The following MAP2K1 variants were observed in gnomAD, a reference collection of about 807,000 sequenced individuals.
The protein encoded by MAP2K1 is mitogen-activated protein kinase kinase 1, also known as dual specificity mitogen-activated protein kinase kinase 1.
MAP2K1 carries 16 observed loss-of-function variants against 46.3 expected under a neutral mutation model. The ratio of observed to expected loss-of-function variants is 0.35; its 90% CI spans 0.23 to 0.52. The LOEUF (loss-of-function observed/expected upper bound fraction) is 0.52. Ranked by LOEUF, MAP2K1 falls within the 20% of genes least tolerant of loss-of-function variation. The probability of loss-of-function intolerance (pLI) is 0.94; values close to 1 mark genes in which losing one functional copy is unlikely to be tolerated. For missense variants in MAP2K1, 263 were observed against 497.1 expected, an observed-to-expected ratio of 0.53 and a Z score of 4.48; for synonymous variants, 183 against 185.6, an observed-to-expected ratio of 0.99 and a Z score of 0.11.
chr15:66,466,142 G>C (rs1464893577), intron 5 of MAP2K1, among the ~76,000 whole-genome samples: 3 of 152,120 alleles, frequency 2.0e-5, no homozygotes, highest in Non-Finnish European at 4.4e-5. Flanking sequence ...GCTTTTATTG[G>C]CTTTATAAAT....
At position 66,453,647 on chromosome 15, in the gene MAP2K1, C is replaced by G. The variant is rs1158967774; in HGVS notation, c.568+8940C>G. 9.1e-6 allele frequency: 6 copies of G among 661,152 alleles called. No individual in the cohort carries two copies. The East Asian group carries it at 1.1e-4, about 12-fold the overall frequency. The allele number at this position is 661,152 out of a possible 1,614,324, so 41.0% of individuals were successfully genotyped here. A position where few individuals can be genotyped will look rare whatever the true frequency, so the allele number is the denominator to read the frequency against. On this transcript the variant is annotated intron_variant, in intron 5 of 10. Coordinates refer to ENST00000307102, the MANE Select transcript of MAP2K1 (RefSeq NM_002755.4). The stretch of plus-strand genomic sequence containing the variant: ...CCTCATGGCCAGTTCTACCTCTGTT[C>G]TAAATATATTCTTCACTGATGAAAT...
chr15:66,388,358 G>A (rs1423276704), intron 1 of MAP2K1, among the ~76,000 whole-genome samples: 8 of 152,130 alleles, frequency 5.3e-5, no homozygotes. Flanking sequence ...AAAAGATTAG[G>A]TTATTATTAT....
chr15:66,466,757 A>G (rs891444137), intron 5 of MAP2K1, among the ~76,000 whole-genome samples: 1 of 152,194 alleles, frequency 6.6e-6, no homozygotes, highest in African/African-American at 2.4e-5. Context: ...CAACACAAAG[A>G]ATCAGCAGCA....
At position 66,454,514 on chromosome 15, in the gene MAP2K1, T is replaced by C. The variant is rs985676189; in HGVS notation, c.568+9807T>C. ...TAATACATTTTACCTGTTGCTTAGA[T>C]AAATTGGTAGAGGTTTTTATGATTA... is the stretch of plus-strand genomic sequence containing the variant. On this transcript the variant is annotated intron_variant, in intron 5 of 10. Transcript: ENST00000307102. Among the ~76,000 whole-genome samples, 9 of 152,204 alleles carry C rather than the reference T, an allele frequency of 5.9e-5. No homozygotes were observed. In the East Asian group the frequency reaches 1.3e-3, roughly 23 times the overall value.
chr15:66,407,922 A>G lies in MAP2K1; in HGVS notation c.80+20495A>G, dbSNP rs532460052. On this transcript the variant is annotated intron_variant, in intron 1 of 10. Transcript: ENST00000307102. ...ATGTCACACAGTATGTTCTATTTGG[A>G]ATTTTGTGACTTTTGAGTAACATAA... 5.8e-4 allele frequency among the ~76,000 whole-genome samples: 89 copies of G among 152,328 alleles called. 1 individual carries two copies. Among genetic ancestry groups the G allele is most frequent in the Admixed American group, 1.0e-3 (16 of 15,306 alleles).
chr15:66,411,096 C>CT lies in MAP2K1; in HGVS notation c.80+23680dup, dbSNP rs922343795. On this transcript the variant is annotated intron_variant, in intron 1 of 10. Coordinates refer to ENST00000307102, the MANE Select transcript of MAP2K1 (RefSeq NM_002755.4). ...TTCTTGATAACTGTTCTTGAGGTTT[C>CT]TTTTTTTTTTTGGTCCTTTTTGACT... is the stretch of plus-strand genomic sequence containing the variant. 8.5e-3 allele frequency among the ~76,000 whole-genome samples: 1,220 copies of CT among 143,418 alleles called. 10 individuals carry two copies. Among genetic ancestry groups the CT allele is most frequent in the African/African-American group, 0.025 (964 of 39,346 alleles). The allele number at this position is 143,418 out of a possible 152,430, so 94.1% of individuals were successfully genotyped here.
intron 5 of MAP2K1, among the ~76,000 whole-genome samples, chr15:66,457,323 T>C (rs763498656): frequency 1.3e-5 from 2 of 152,160 alleles, no homozygotes; most frequent in Non-Finnish European, 2.9e-5. Context: ...TTTCCCTATG[T>C]TGCCCAGCCT....
chr15:66,438,665 C>T (rs1385202999), intron 3 of MAP2K1, among the ~76,000 whole-genome samples: 2 of 152,164 alleles, frequency 1.3e-5, no homozygotes, highest in Non-Finnish European at 2.9e-5. Context: ...TTTTTCCCCC[C>T]ATGGATTTGG....
chr15:66,397,817 G>A (rs2093371823), intron 1 of MAP2K1, among the ~76,000 whole-genome samples: 1 of 152,078 alleles, frequency 6.6e-6, no homozygotes, highest in Non-Finnish European at 1.5e-5. Flanking sequence ...TAAAAAGTCA[G>A]TATAGGCCAT....
At chr15:66,484,076 A>G (rs1892978920) in intron 6 of MAP2K1, among the ~76,000 whole-genome samples, 1 of 151,244 alleles carries the variant, frequency 6.6e-6, no homozygotes, top group African/African-American at 2.4e-5. Flanking sequence ...TGATCTTCTT[A>G]GTAATCCTAA....
chr15:66,429,850 C>T (rs936168739), intron 1 of MAP2K1, among the ~76,000 whole-genome samples: 29 of 152,072 alleles, frequency 1.9e-4, no homozygotes, highest in African/African-American at 6.8e-4. Flanking sequence ...GTTCAGAGAC[C>T]CATGGTGCCA....
intron 6 of MAP2K1, 117 bp from the exon 7 acceptor site, chr15:66,484,873 A>G (rs929116004): frequency 1.1e-6 from 1 of 885,266 alleles, no homozygotes; most frequent in Non-Finnish European, 1.9e-6. Context: ...TCAAGAGGTT[A>G]GTGGAGCTCT....
intron 1 of MAP2K1, among the ~76,000 whole-genome samples, chr15:66,433,960 G>C (rs1399655969): frequency 6.6e-6 from 1 of 152,222 alleles, no homozygotes; most frequent in Non-Finnish European, 1.5e-5. Flanking sequence ...TGAATGCACT[G>C]CAGGCAGGCT....
chr15:66,420,861 A>ATATGTGTATATATATGTGTGTG (rs1567003270), intron 1 of MAP2K1, among the ~76,000 whole-genome samples: 17 of 85,202 alleles, frequency 2.0e-4, no homozygotes, highest in Admixed American at 1.3e-3. Context: ...ATATGTGTGT[A>ATATGTGTATATATATGTGTGTG]TATATATGTG....
chr15:66,454,957 C>T (rs928563893), intron 5 of MAP2K1, among the ~76,000 whole-genome samples: 8 of 152,026 alleles, frequency 5.3e-5, no homozygotes, highest in South Asian at 2.1e-4. Context: ...CTACAAACCA[C>T]GGTAGGGTGG....
chr15:66,446,606 G>C (rs1459984697), intron 5 of MAP2K1: 1 of 270,750 alleles, frequency 3.7e-6, no homozygotes, highest in African/African-American at 2.3e-5. Context: ...TTACCACCAG[G>C]AGTCACTGTG....
chr15:66,456,099 AG>A (rs1249407024), intron 5 of MAP2K1, among the ~76,000 whole-genome samples: 1 of 152,212 alleles, frequency 6.6e-6, no homozygotes, highest in Non-Finnish European at 1.5e-5. Flanking sequence ...CCCCCATCAA[AG>A]AGAAGTAATT....
intron 3 of MAP2K1, among the ~76,000 whole-genome samples, chr15:66,442,157 T>A (rs2093505886): frequency 6.6e-6 from 1 of 152,216 alleles, no homozygotes; most frequent in African/African-American, 2.4e-5. Flanking sequence ...CCAGTCTCTC[T>A]GCCTCCAGAG....
rs2140675493 is a variant in MAP2K1 at position 66,485,190 on chromosome 15, C to T, written c.894C>T (p.Ser298=). 6.2e-7 allele frequency: 1 copy of T among 1,613,354 alleles called. No individual in the cohort carries two copies. Among genetic ancestry groups the T allele is most frequent in the East Asian group, 2.2e-5 (1 of 44,860 alleles). The part of the protein sequence containing the change: ...PRPRTPGRPL[S]SYGMDSRPPM... ...CAAGGACCCCCGGGAGGCCCCTTAG[C>T]TGTGAGTAGCCTGGTGTGTCCCCAT... Residue 298 remains serine (S), a splice_region_variant and synonymous_variant, in exon 7 of 11, where the codon AGC becomes AGT. Coordinates refer to ENST00000307102, the MANE Select transcript of MAP2K1 (RefSeq NM_002755.4).
Sources: allele counts gnomAD v4.1 joint callset (sites outside exome capture counted in the v4.1 genomes callset), GRCh38; gene constraint gnomAD v4.1.1; transcripts MANE v1.5; gene names NCBI Gene and HGNC (gene_info 2026-07-23, HGNC 2026-07-21).